SMARCA2: variants seen among roughly 807,000 people sequenced by gnomAD.
The protein encoded by SMARCA2 is SWI/SNF-related matrix-associated actin-dependent regulator of chromatin subfamily A member 2.
Under a neutral mutation model 199.8 loss-of-function variants are expected in SMARCA2, and 61 were observed. That is an observed-to-expected ratio of 0.31 (90% CI 0.25 to 0.38). The LOEUF (loss-of-function observed/expected upper bound fraction) is 0.38. SMARCA2 is among the 10% of genes least tolerant of loss of function. The pLI, the probability that SMARCA2 is intolerant of heterozygous loss-of-function variation, is 1.00. For missense variants in SMARCA2, 1,344 were observed against 2,012.2 expected (o/e 0.67, Z 6.35); for synonymous variants, 935 against 732.0 (o/e 1.28, Z -4.48).
Position 2,039,431 on chromosome 9 carries a change from G to T in SMARCA2, c.356-35G>T. On this transcript the variant is annotated intron_variant, in intron 3 of 33. Coordinates refer to ENST00000349721, the MANE Select transcript of SMARCA2 (RefSeq NM_003070.5). The surrounding 1 kb of genome is among the most constrained non-coding windows in gnomAD (Gnocchi z 4.8). ...ATATCTCTCTTTCAGGGTTGTCAGG[G>T]GCAGCCTGTGATTTCCTTTTGTGTT... is the stretch of plus-strand genomic sequence containing the variant. 1 of 1,593,316 alleles carries T rather than the reference G, an allele frequency of 6.3e-7. No homozygotes were observed. The highest frequency in any genetic ancestry group is 1.1e-5 in the South Asian group (1 of 88,574).
intron 27 of SMARCA2, among the ~76,000 whole-genome samples, chr9:2,138,773 C>T (rs1443956147): frequency 6.6e-6 from 1 of 152,122 alleles, no homozygotes; most frequent in Non-Finnish European, 1.5e-5. Flanking sequence ...AAGAGAGCAC[C>T]ATCTCTCCTG....
rs778517438 is a variant in SMARCA2 at position 2,123,714 on chromosome 9, T to A, written c.3763-5T>A. 3 of 1,613,700 alleles carry A rather than the reference T, an allele frequency of 1.9e-6. No homozygotes were observed. Among genetic ancestry groups the A allele is most frequent in the Non-Finnish European group, 2.5e-6 (3 of 1,179,724 alleles). The stretch of plus-strand genomic sequence containing the variant: ...TTTCGGTGACCCTCTTATTAATGTC[T>A]CCAGCGGATGGACATGGACCGGCGG... On this transcript the variant is annotated splice_polypyrimidine_tract_variant and splice_region_variant and intron_variant, in intron 26 of 33. Coordinates refer to ENST00000349721, the MANE Select transcript of SMARCA2 (RefSeq NM_003070.5). The surrounding 1 kb of genome is among the most constrained non-coding windows in gnomAD (Gnocchi z 4.1).
In SMARCA2 at chr9:2,172,764, G is replaced by C. The variant is rs192428163; in HGVS notation, c.4253+2292G>C. Among the ~76,000 whole-genome samples the C allele has an allele frequency of 2.2e-4, 34 of 152,234 alleles. No homozygotes were observed. In the East Asian group the frequency reaches 4.8e-3, roughly 22 times the overall value. On this transcript the variant is annotated intron_variant, in intron 29 of 33. Transcript: ENST00000349721. ...CTGAGTTCTGGGCGTGAGCGTGCAGGGACCAGTGTGTGATGTCTGTCATGT... is the reference window on the plus strand; with the variant it reads ...CTGAGTTCTGGGCGTGAGCGTGCAGCGACCAGTGTGTGATGTCTGTCATGT...
chr9:2,019,496 CAAAAA>C (rs57704949), intron 1 of SMARCA2, among the ~76,000 whole-genome samples: 16 of 81,794 alleles, frequency 2.0e-4, no homozygotes, highest in African/African-American at 5.8e-4. Flanking sequence ...TTAGAATTGA[CAAAAA>C]AAAAAAAAAA....
At chr9:2,097,527 TAAAA>T in intron 21 of SMARCA2, 56 bp downstream of exon 21, 1 of 976,716 alleles carries the variant, frequency 1.0e-6, no homozygotes, top group South Asian at 1.6e-5. Context: ...TAATGCTAGT[TAAAA>T]AAAAACAAAC....
intron 15 of SMARCA2, 84 bp downstream of exon 15, chr9:2,082,079 A>T: frequency 8.5e-7 from 1 of 1,183,284 alleles, no homozygotes; most frequent in Non-Finnish European, 1.2e-6. Context: ...TTTTTACTTA[A>T]GACAGAATTG....
At chr9:2,190,601 TAGAG>T (rs779583526) in intron 32 of SMARCA2, among the ~76,000 whole-genome samples, 1 of 151,406 alleles carries the variant, frequency 6.6e-6, no homozygotes, top group African/African-American at 2.4e-5. Flanking sequence ...TTATATTCTA[TAGAG>T]AGACTTTTAT....
Position 2,039,461 on chromosome 9 carries a change from T to A in SMARCA2, c.356-5T>A. The A allele has an allele frequency of 6.2e-7, 1 of 1,608,266 alleles. No individual in the cohort carries two copies. The highest frequency in any genetic ancestry group is 8.5e-7 in the Non-Finnish European group (1 of 1,176,608). Reference sequence around the variant, plus strand: ...CCTGTGATTTCCTTTTGTGTTTTATTTTAGGTTATATGTCACCACACCCAT... The same window carrying A: ...CCTGTGATTTCCTTTTGTGTTTTATATTAGGTTATATGTCACCACACCCAT... On this transcript the variant is annotated splice_region_variant and splice_polypyrimidine_tract_variant and intron_variant, in intron 3 of 33. Coordinates refer to ENST00000349721, the MANE Select transcript of SMARCA2 (RefSeq NM_003070.5). This position sits in a 1 kb window ranked among gnomAD's most constrained non-coding sequence, Gnocchi z 4.8.
chr9:2,041,914 A>T (rs1346839726), intron 4 of SMARCA2: 2 of 152,282 alleles, frequency 1.3e-5, no homozygotes, highest in Non-Finnish European at 2.9e-5. Context: ...TGCCATTCTC[A>T]GTGATAAGTC....
chr9:2,072,315 A>G (rs1821121880), intron 10 of SMARCA2, among the ~76,000 whole-genome samples: 1 of 152,216 alleles, frequency 6.6e-6, no homozygotes, highest in African/African-American at 2.4e-5. Flanking sequence ...CTGTTCTTAG[A>G]AGTACAGATC....
At chr9:2,124,087 G>C (rs113394585) in intron 27 of SMARCA2, 150 bp downstream of exon 27, 24 of 701,466 alleles carry the variant, frequency 3.4e-5, no homozygotes, top group African/African-American at 2.5e-4. Context: ...AAGTCATTCT[G>C]CTGTTGCATA....
At chr9:2,181,542 T>A in intron 29 of SMARCA2, 29 bp from the exon 30 acceptor site, 2 of 1,064,072 alleles carry the variant, frequency 1.9e-6, no homozygotes, top group South Asian at 2.5e-5. Flanking sequence ...TGATGTGGCT[T>A]GTTTTTGTTT....
intron 1 of SMARCA2, among the ~76,000 whole-genome samples, chr9:2,023,180 T>C (rs1169260019): frequency 1.3e-5 from 2 of 152,208 alleles, no homozygotes; most frequent in African/African-American, 2.4e-5. Flanking sequence ...AGGCAGTGTC[T>C]GAGGTTCATG....
chr9:2,170,364 G>A lies in SMARCA2; in HGVS notation c.4200-55G>A. ...ACCCAGCCTAGGAAGAAGGAGCCGG[G>A]CGGGGACGAGAACCCAGGTCTTCTG... On this transcript the variant is annotated intron_variant, in intron 28 of 33. Coordinates refer to ENST00000349721, the MANE Select transcript of SMARCA2 (RefSeq NM_003070.5). The surrounding 1 kb of genome is among the most constrained non-coding windows in gnomAD (Gnocchi z 4.7). 1.2e-6 allele frequency: 2 copies of A among 1,610,980 alleles called. No homozygotes were observed. The highest frequency in any genetic ancestry group is 2.2e-5 in the East Asian group (1 of 44,624).
intron 8 of SMARCA2, among the ~76,000 whole-genome samples, chr9:2,058,899 T>G (rs2130354400): frequency 6.6e-6 from 1 of 152,366 alleles, no homozygotes; most frequent in East Asian, 1.9e-4. Flanking sequence ...TTTTGAAGCC[T>G]CTGGTGCTTA....
At chr9:2,160,790 T>A (rs533630746) in intron 27 of SMARCA2, 1 of 417,052 alleles carries the variant, frequency 2.4e-6, no homozygotes, top group Non-Finnish European at 4.2e-6. Context: ...AAAATTTCTT[T>A]TCTATGTTCA....
intron 19 of SMARCA2, among the ~76,000 whole-genome samples, chr9:2,095,671 T>C (rs1396065551): frequency 6.6e-6 from 1 of 152,214 alleles, no homozygotes; most frequent in Admixed American, 6.5e-5. Flanking sequence ...GCCTGACAGA[T>C]TCCTTCGAAA....
chr9:2,047,591 C>T, intron 5 of SMARCA2, 107 bp downstream of exon 5: 1 of 1,174,246 alleles, frequency 8.5e-7, no homozygotes, highest in Non-Finnish European at 1.1e-6. Flanking sequence ...CTGTGATTTT[C>T]ACCCGTGCGG....
chr9:2,077,982 T>C (rs937911382), intron 14 of SMARCA2, among the ~76,000 whole-genome samples: 8 of 152,132 alleles, frequency 5.3e-5, no homozygotes, highest in African/African-American at 1.7e-4. Context: ...GCCATACCCA[T>C]TTTCTCTTTT....
Sources: gnomAD v4.1 joint callset for allele counts (sites outside exome capture counted in the v4.1 genomes callset) on GRCh38, gnomAD v4.1.1 for gene constraint, Gnocchi (gnomAD v3.1) non-coding constraint, MANE v1.5 for transcripts, NCBI Gene and HGNC (gene_info 2026-07-23, HGNC 2026-07-21) for gene names.